The following ARHGAP6 variants were observed in gnomAD, a reference collection of about 807,000 sequenced individuals.
ARHGAP6 encodes the protein Rho GTPase activating protein 6.
In ARHGAP6, 16 loss-of-function variants were observed where a neutral mutation model predicts 55.7. That is an observed-to-expected ratio of 0.29 (90% CI 0.19 to 0.44). The LOEUF (loss-of-function observed/expected upper bound fraction) is 0.44, where lower values mean the gene tolerates loss of function less well. ARHGAP6 is among the 20% of genes least tolerant of loss of function. The pLI is 1.00. For synonymous variants in ARHGAP6, 382 were observed against 360.9 expected (o/e 1.06, Z -0.66); for missense variants, 698 against 808.9 (o/e 0.86, Z 1.66).
rs1364151405 is a variant in ARHGAP6, at chrX:11,526,673, A to G, written c.588+137568T>C. On this transcript the variant is annotated intron_variant, in intron 1 of 12. Transcript: ENST00000337414. ...TGAGGTGGTAGTGGGAGAGCCTCAA[A>G]TTATATAAGGGAATCCTCCAATCTA... 2.7e-5 allele frequency among the ~76,000 whole-genome samples: 3 copies of G among 111,781 alleles called. No homozygotes were observed. The East Asian group carries it at 8.4e-4, about 31-fold the overall frequency.
chrX:11,291,513 A>T (rs1241816934), intron 1 of ARHGAP6, among the ~76,000 whole-genome samples: 1 of 111,422 alleles, frequency 9.0e-6, no homozygotes, highest in Non-Finnish European at 1.9e-5. Context: ...AGTAGAGATT[A>T]CCCACAACTT....
At chrX:11,160,473 T>A (rs1289643540) in intron 9 of ARHGAP6, among the ~76,000 whole-genome samples, 3 of 102,643 alleles carry the variant, frequency 2.9e-5, no homozygotes, top group Non-Finnish European at 4.1e-5. Flanking sequence ...AAAAAAAAAA[T>A]TTCGCTCCAA....
chrX:11,165,708 C>T (rs2046008436), intron 9 of ARHGAP6, among the ~76,000 whole-genome samples: 1 of 111,441 alleles, frequency 9.0e-6, no homozygotes, highest in African/African-American at 3.3e-5. Context: ...GTAGCTCATT[C>T]CAATGCACAT....
At chrX:11,502,120 C>A (rs1433994514) in intron 1 of ARHGAP6, among the ~76,000 whole-genome samples, 2 of 112,226 alleles carry the variant, frequency 1.8e-5, no homozygotes, top group African/African-American at 6.5e-5. Context: ...ATATGTTCAT[C>A]AATGGAATAA....
chrX:11,263,319 C>T (rs1403084461), intron 1 of ARHGAP6, among the ~76,000 whole-genome samples: 4 of 111,558 alleles, frequency 3.6e-5, no homozygotes, highest in Non-Finnish European at 7.5e-5. Context: ...AAGGGCATTA[C>T]TAGAAGCTGA....
Position 11,645,962 on chromosome X carries a change from A to G in ARHGAP6, c.588+18279T>C, listed in dbSNP as rs189317115. ...AAACAAGGTTAACCCATCATCCAGG[A>G]AAGTAGTTAGAAGGTCCAGTGTATT... is the stretch of plus-strand genomic sequence containing the variant. On this transcript the variant is annotated intron_variant, in intron 1 of 12. Coordinates refer to ENST00000337414, the MANE Select transcript of ARHGAP6 (RefSeq NM_013427.3). Among the ~76,000 whole-genome samples, 3 of 111,956 alleles carry G rather than the reference A, an allele frequency of 2.7e-5. No homozygotes were observed. In the Admixed American group the frequency reaches 2.8e-4, roughly 11 times the overall value.
At chrX:11,469,147 A>T (rs1349093111) in intron 1 of ARHGAP6, among the ~76,000 whole-genome samples, 1 of 112,841 alleles carries the variant, frequency 8.9e-6, no homozygotes, top group Non-Finnish European at 1.9e-5. Flanking sequence ...TTGCTAGAGC[A>T]GCCTGAACTG....
chrX:11,631,314 C>A (rs1031909624), intron 1 of ARHGAP6, among the ~76,000 whole-genome samples: 4 of 110,678 alleles, frequency 3.6e-5, no homozygotes, highest in Admixed American at 9.7e-5. Flanking sequence ...CACCTGAGGT[C>A]TGGAGTTCAA....
intron 1 of ARHGAP6, among the ~76,000 whole-genome samples, chrX:11,520,575 G>T (rs1406010727): frequency 9.0e-6 from 1 of 110,677 alleles, no homozygotes; most frequent in Admixed American, 9.7e-5. Context: ...TGGACATTTG[G>T]GTTGGTTCCA....
chrX:11,179,754 G>A (rs899715500), intron 6 of ARHGAP6, among the ~76,000 whole-genome samples: 39 of 87,660 alleles, frequency 4.4e-4, no homozygotes, highest in African/African-American at 1.8e-3. Flanking sequence ...ACATATATAT[G>A]TATATGTATA....
chrX:11,278,362 A>G (rs28650125), intron 1 of ARHGAP6, among the ~76,000 whole-genome samples: 31,545 of 110,177 alleles, frequency 0.29, 3,531 homozygotes, highest in Middle Eastern at 0.43. Flanking sequence ...GAGTTTGAGG[A>G]AGATGTGACT....
intron 1 of ARHGAP6, among the ~76,000 whole-genome samples, chrX:11,308,224 C>T (rs191523206): frequency 8.9e-6 from 1 of 112,022 alleles, no homozygotes; most frequent in African/African-American, 3.2e-5. Flanking sequence ...TTCAAAGCAG[C>T]TTTTACTTGT....
At chrX:11,525,447 T>A (rs1414353850) in intron 1 of ARHGAP6, among the ~76,000 whole-genome samples, 1 of 112,015 alleles carries the variant, frequency 8.9e-6, no homozygotes, top group Non-Finnish European at 1.9e-5. Context: ...GTGGAAAAGA[T>A]CATAGACACT....
intron 1 of ARHGAP6, among the ~76,000 whole-genome samples, chrX:11,589,766 C>T (rs1447502384): frequency 9.0e-6 from 1 of 111,444 alleles, no homozygotes. Flanking sequence ...TGTCTCATTA[C>T]GAGCCTTGCA....
intron 1 of ARHGAP6, among the ~76,000 whole-genome samples, chrX:11,497,559 T>TTATCTC (rs1556030644): frequency 9.7e-5 from 4 of 41,135 alleles, no homozygotes; most frequent in African/African-American, 3.7e-4. Context: ...CCCTCCCTCC[T>TTATCTC]TCTCTCTCTC....
At chrX:11,281,454 T>C (rs994483271) in intron 1 of ARHGAP6, among the ~76,000 whole-genome samples, 8 of 109,850 alleles carry the variant, frequency 7.3e-5, no homozygotes, top group African/African-American at 2.6e-4. Flanking sequence ...TTATTATATA[T>C]TAGTTATATG....
At chrX:11,179,241 G>T in intron 7 of ARHGAP6, 61 bp downstream of exon 7, 2 of 1,043,125 alleles carry the variant, frequency 1.9e-6, no homozygotes, top group East Asian at 6.7e-5. Flanking sequence ...AAGTTATGAT[G>T]AATGAGTTGG....
intron 1 of ARHGAP6, among the ~76,000 whole-genome samples, chrX:11,508,091 G>A (rs1202081236): frequency 8.9e-6 from 1 of 112,208 alleles, no homozygotes; most frequent in Non-Finnish European, 1.9e-5. Context: ...TAGCATGGAT[G>A]TGGGTAGGTA....
At chrX:11,561,143 T>C (rs2051380239) in intron 1 of ARHGAP6, among the ~76,000 whole-genome samples, 1 of 112,057 alleles carries the variant, frequency 8.9e-6, no homozygotes, top group Non-Finnish European at 1.9e-5. Context: ...CAGAAGATGT[T>C]TGCCAGCCCT....
Sources: gnomAD v4.1 joint callset for allele counts (sites outside exome capture counted in the v4.1 genomes callset) on GRCh38, gnomAD v4.1.1 for gene constraint, MANE v1.5 for transcripts, NCBI Gene and HGNC (gene_info 2026-07-23, HGNC 2026-07-21) for gene names.